Variants in RGS3 observed in about 807,000 individuals in gnomAD.
RGS3 encodes the protein regulator of G-protein signalling 3.
A neutral mutation model predicts 132.6 loss-of-function variants in RGS3; 80 were observed. The observed-to-expected ratio is 0.60, with a 90% CI of 0.50 to 0.73. The LOEUF (loss-of-function observed/expected upper bound fraction) is 0.73, where lower values mean the gene tolerates loss of function less well. Ranked by LOEUF, RGS3 falls within the 30% of genes least tolerant of loss-of-function variation. The pLI is 0.00. For synonymous variants in RGS3, 598 were observed against 620.6 expected, an observed-to-expected ratio of 0.96 and a Z score of 0.54; for missense variants, 1,382 against 1,530.8, an observed-to-expected ratio of 0.90 and a Z score of 1.62.
intron 5 of RGS3, among the ~76,000 whole-genome samples, 200 bp from the exon 4 acceptor site, chr9:113,483,938 C>T (rs950827936): frequency 1.3e-5 from 2 of 152,152 alleles, no homozygotes; most frequent in African/African-American, 4.8e-5. Flanking sequence ...GAGGCCCTGT[C>T]CTGGCATCTG....
At position 113,579,130 on chromosome 9, in the gene RGS3, G is replaced by A. The variant is rs1314914881; in HGVS notation, c.2038-4320G>A. Reference sequence around the variant, plus strand: ...AGGGCAGATGCAGAGCCCGGCATCCGTGGTGGCTGTGATGAATCATCGGAG... The same window carrying A: ...AGGGCAGATGCAGAGCCCGGCATCCATGGTGGCTGTGATGAATCATCGGAG... On this transcript the variant is annotated intron_variant, in intron 19 of 24. Transcript: ENST00000350696. The surrounding 1 kb of genome is among the most constrained non-coding windows in gnomAD (Gnocchi z 4.3). 2.6e-5 allele frequency among the ~76,000 whole-genome samples: 4 copies of A among 152,202 alleles called. No homozygotes were observed. Among genetic ancestry groups the A allele is most frequent in the African/African-American group, 4.8e-5 (2 of 41,452 alleles).
intron 19 of RGS3, among the ~76,000 whole-genome samples, chr9:113,550,058 C>T (rs72763809): frequency 0.096 from 14,679 of 152,186 alleles, 996 homozygotes; most frequent in East Asian, 0.22. Flanking sequence ...ACACCTAGTA[C>T]GCATTCGACT....
rs1239450136 is a variant in RGS3, at chr9:113,548,900, C to T, written c.2037+11982C>T. ...GGATGTGGTCAGGCTTCCTGAGAGT[C>T]GCCTGGCAGGCGAGGAGTCCCCAGC... On this transcript the variant is annotated intron_variant, in intron 19 of 24. Coordinates refer to ENST00000350696, the Ensembl canonical transcript of RGS3. Among the ~76,000 whole-genome samples, 4 of 152,342 alleles carry T rather than the reference C, an allele frequency of 2.6e-5. No individual in the cohort carries two copies. The South Asian group carries it at 6.2e-4, about 24-fold the overall frequency.
intron 1 of RGS3, among the ~76,000 whole-genome samples, chr9:113,449,469 G>C (rs1252514500): frequency 6.6e-6 from 1 of 152,166 alleles, no homozygotes; most frequent in African/African-American, 2.4e-5. Context: ...TCAATGTGTG[G>C]GGTTAAAATG....
upstream of RGS3, among the ~76,000 whole-genome samples, chr9:113,456,345 T>C (rs1829361951): frequency 6.6e-6 from 1 of 152,234 alleles, no homozygotes; most frequent in South Asian, 2.1e-4. Flanking sequence ...GGATGGCACA[T>C]GGGTCACCCA....
rs752920404 is a variant in RGS3 at position 113,501,482 on chromosome 9, G to C, written c.897+3402G>C. 3 of 1,512,334 alleles carry C rather than the reference G, an allele frequency of 2.0e-6. No individual in the cohort carries two copies. In the African/African-American group the frequency reaches 4.1e-5, roughly 21 times the overall value. The allele number at this position is 1,512,334 out of a possible 1,614,324, so 93.7% of individuals were successfully genotyped here. On this transcript the variant is annotated intron_variant, in intron 10 of 24. Coordinates refer to ENST00000350696, the Ensembl canonical transcript of RGS3. ...TCTTCTGTGGGGCGGGCTTCCCAGG[G>C]TGCTCATGCCAGGCTGACGGGTCCA...
intron 15 of RGS3, among the ~76,000 whole-genome samples, chr9:113,516,570 G>A (rs1395382437): frequency 1.3e-5 from 2 of 151,940 alleles, no homozygotes; most frequent in African/African-American, 4.8e-5. Flanking sequence ...TGTTGGCCAG[G>A]CTGGTCTCGA....
intron 10 of RGS3, among the ~76,000 whole-genome samples, chr9:113,498,359 C>T (rs954870992): frequency 2.6e-5 from 4 of 152,096 alleles, no homozygotes; most frequent in South Asian, 4.1e-4. Context: ...CTCTAGAAAC[C>T]GAGTCCTCCC....
intron 19 of RGS3, among the ~76,000 whole-genome samples, chr9:113,555,624 G>A (rs1489301816): frequency 6.6e-6 from 1 of 151,946 alleles, no homozygotes; most frequent in African/African-American, 2.4e-5. Context: ...CCGCCACCAC[G>A]CCCAGCTAAT....
chr9:113,474,947 G>C (rs1829946701), intron 3 of RGS3, among the ~76,000 whole-genome samples: 1 of 152,164 alleles, frequency 6.6e-6, no homozygotes, highest in Admixed American at 6.5e-5. Context: ...TGGCCTGTGG[G>C]TTAGAGTTCA....
chr9:113,476,762 T>A (rs1245019536), intron 3 of RGS3, among the ~76,000 whole-genome samples: 1 of 152,238 alleles, frequency 6.6e-6, no homozygotes. Flanking sequence ...CTCGTGCAGA[T>A]GCCCAGCAAA....
intron 7 of RGS3, among the ~76,000 whole-genome samples, chr9:113,488,521 CAG>C (rs1830407040): frequency 6.6e-6 from 1 of 152,208 alleles, no homozygotes; most frequent in Non-Finnish European, 1.5e-5. Flanking sequence ...AGCAGAGTGT[CAG>C]AGAGGCATAT....
intron 19 of RGS3, chr9:113,541,459 A>C: frequency 6.2e-7 from 1 of 1,608,248 alleles, no homozygotes; most frequent in Non-Finnish European, 8.5e-7. Flanking sequence ...TGCTTCTGGC[A>C]ACTTAACCCT....
chr9:113,583,586 A>G (rs17854212), exon 20 of RGS3: 1 of 1,614,010 alleles, frequency 6.2e-7, no homozygotes, highest in Non-Finnish European at 8.5e-7. Flanking sequence ...CTTCCACCCA[A>G]CAAGGACTCC....
At chr9:113,524,842 C>A (rs1832129852) in intron 17 of RGS3, among the ~76,000 whole-genome samples, 1 of 152,210 alleles carries the variant, frequency 6.6e-6, no homozygotes, top group Admixed American at 6.5e-5. Flanking sequence ...TTGGGATCTC[C>A]CCTTCTGGAG....
chr9:113,479,328 C>A (rs1830088060), intron 3 of RGS3, 163 bp from the exon 2 acceptor site: 2 of 732,168 alleles, frequency 2.7e-6, no homozygotes, highest in Admixed American at 4.0e-5. Context: ...GTGGGCGGGG[C>A]TGAACCCTGT....
chr9:113,586,299 C>G (rs1371912262), intron 20 of RGS3, among the ~76,000 whole-genome samples: 1 of 152,232 alleles, frequency 6.6e-6, no homozygotes. Flanking sequence ...TACACCCTTC[C>G]CAGTTCTATT....
intron 15 of RGS3, 29 bp downstream of exon 13, chr9:113,514,683 C>T (rs1441380241): frequency 6.2e-7 from 1 of 1,606,566 alleles, no homozygotes; most frequent in African/African-American, 1.3e-5. Context: ...TTAAAGGTTC[C>T]CTCAGGAGGA....
At chr9:113,467,650 G>T (rs1829689394) in intron 3 of RGS3, among the ~76,000 whole-genome samples, 1 of 152,004 alleles carries the variant, frequency 6.6e-6, no homozygotes, top group Non-Finnish European at 1.5e-5. Flanking sequence ...TATATGATTT[G>T]CAAATATTTT....
Sources: allele counts gnomAD v4.1 joint callset (sites outside exome capture counted in the v4.1 genomes callset), GRCh38; gene constraint gnomAD v4.1.1; non-coding constraint Gnocchi (gnomAD v3.1); transcripts MANE v1.5; gene names NCBI Gene and HGNC (gene_info 2026-07-23, HGNC 2026-07-21).